Variants in APBB2 observed in about 807,000 individuals in gnomAD.
APBB2 encodes amyloid beta precursor protein binding family B member 2.
Under a neutral mutation model 82.5 loss-of-function variants are expected in APBB2, and 38 were observed. The ratio of observed to expected loss-of-function variants is 0.46; its 90% CI spans 0.36 to 0.60. The LOEUF (loss-of-function observed/expected upper bound fraction) is 0.60, where lower values mean the gene tolerates loss of function less well. APBB2 is among the 20% of genes least tolerant of loss of function. The pLI is 0.00. For synonymous variants in APBB2, 341 were observed against 368.2 expected, an observed-to-expected ratio of 0.93 and a Z score of 0.85; for missense variants, 772 against 972.3, an observed-to-expected ratio of 0.79 and a Z score of 2.74.
intron 4 of APBB2, among the ~76,000 whole-genome samples, chr4:41,057,948 C>A (rs1421774281): frequency 6.6e-6 from 1 of 152,172 alleles, no homozygotes; most frequent in Admixed American, 6.5e-5. Flanking sequence ...CAAAGCCTGT[C>A]CTCTCACACA....
intron 15 of APBB2, among the ~76,000 whole-genome samples, chr4:40,824,435 G>A (rs148926400): frequency 3.9e-5 from 6 of 152,276 alleles, no homozygotes; most frequent in African/African-American, 7.2e-5. Context: ...ATTCACTCAC[G>A]TAAAGTGTGC....
intron 10 of APBB2, 110 bp downstream of exon 10, chr4:40,934,346 A>G: frequency 9.6e-7 from 1 of 1,043,008 alleles, no homozygotes; most frequent in Non-Finnish European, 1.5e-6. Context: ...AGGGATAATT[A>G]CTTATTAAAT....
chr4:40,858,403 C>A (rs1395724410), intron 12 of APBB2, among the ~76,000 whole-genome samples: 1 of 136,244 alleles, frequency 7.3e-6, no homozygotes, highest in Non-Finnish European at 1.5e-5. Flanking sequence ...TGCAGTGAGC[C>A]AAGATCGCGC....
intron 10 of APBB2, among the ~76,000 whole-genome samples, chr4:40,927,507 G>T (rs1560299420): frequency 6.6e-6 from 1 of 152,012 alleles, no homozygotes; most frequent in Non-Finnish European, 1.5e-5. Context: ...TTAGAGACAG[G>T]GTCTCACTCT....
chr4:40,912,382 G>A (rs927399620), intron 10 of APBB2, among the ~76,000 whole-genome samples: 14 of 152,184 alleles, frequency 9.2e-5, no homozygotes, highest in African/African-American at 3.4e-4. Context: ...TTCGAGACCA[G>A]CCTGGCCAAC....
In APBB2 at chr4:40,838,462, A is replaced by G. The variant is rs1201254812; in HGVS notation, c.1530-7885T>C. On this transcript the variant is annotated intron_variant, in intron 12 of 17. Transcript: ENST00000508593. ...GCAATTCTCCTGCCTCAGCCTCCTG[A>G]GTAGTTGGGACTACAGGCACGTGCC... is the stretch of plus-strand genomic sequence containing the variant. Among the ~76,000 whole-genome samples the G allele has an allele frequency of 3.3e-5, 5 of 150,594 alleles. No individual in the cohort carries two copies. In the East Asian group the frequency reaches 9.8e-4, roughly 29 times the overall value.
chr4:40,963,911 T>A (rs1254079535), intron 6 of APBB2, among the ~76,000 whole-genome samples: 1 of 152,118 alleles, frequency 6.6e-6, no homozygotes. Context: ...AATATTACAG[T>A]GGGAAGTACC....
chr4:40,942,753 A>G (rs1201360962), intron 7 of APBB2, among the ~76,000 whole-genome samples: 1 of 152,116 alleles, frequency 6.6e-6, no homozygotes, highest in Non-Finnish European at 1.5e-5. Context: ...GCAGGCACAG[A>G]GAGGGGAAAG....
chr4:41,179,313 T>C (rs781775017), intron 1 of APBB2, among the ~76,000 whole-genome samples: 1 of 152,172 alleles, frequency 6.6e-6, no homozygotes, highest in Non-Finnish European at 1.5e-5. Context: ...AGTACCTCAA[T>C]TGGGAAGTAA....
At chr4:41,051,295 C>A (rs1416320812) in intron 4 of APBB2, among the ~76,000 whole-genome samples, 1 of 152,186 alleles carries the variant, frequency 6.6e-6, no homozygotes, top group African/African-American at 2.4e-5. Context: ...CAAGGCCATG[C>A]TAAAACAACA....
intron 6 of APBB2, among the ~76,000 whole-genome samples, chr4:40,999,447 A>G (rs924784986): frequency 6.6e-6 from 1 of 152,166 alleles, no homozygotes; most frequent in Non-Finnish European, 1.5e-5. Flanking sequence ...ACCTGTCTCA[A>G]AAGTAAATCA....
At chr4:40,975,789 CA>C (rs1553890006) in intron 6 of APBB2, among the ~76,000 whole-genome samples, 2 of 147,710 alleles carry the variant, frequency 1.4e-5, no homozygotes, top group Non-Finnish European at 3.0e-5. Flanking sequence ...CACACACACA[CA>C]ACAACCACTC....
At chr4:41,187,370 C>T (rs1773183443) in intron 1 of APBB2, among the ~76,000 whole-genome samples, 1 of 152,006 alleles carries the variant, frequency 6.6e-6, no homozygotes, top group African/African-American at 2.4e-5. Flanking sequence ...TTGAGAAAAA[C>T]AAACAACATT....
chr4:41,016,536 C>T (rs113813451), intron 5 of APBB2, among the ~76,000 whole-genome samples: 4,870 of 151,958 alleles, frequency 0.032, 258 homozygotes, highest in African/African-American at 0.11. Context: ...TGGCGCATGC[C>T]GGTACTCAGG....
chr4:41,128,355 T>C (rs1444119605), intron 2 of APBB2, among the ~76,000 whole-genome samples: 1 of 152,212 alleles, frequency 6.6e-6, no homozygotes, highest in East Asian at 1.9e-4. Flanking sequence ...GAAAGCAGTT[T>C]GGAGACTTCT....
At chr4:40,953,004 T>C (rs1790622607) in intron 6 of APBB2, among the ~76,000 whole-genome samples, 2 of 152,070 alleles carry the variant, frequency 1.3e-5, no homozygotes, top group African/African-American at 2.4e-5. Flanking sequence ...CATATAAAAA[T>C]GGATTTTAGG....
At chr4:41,135,749 C>T (rs1280048150) in intron 2 of APBB2, among the ~76,000 whole-genome samples, 2 of 152,106 alleles carry the variant, frequency 1.3e-5, no homozygotes, top group East Asian at 3.8e-4. Flanking sequence ...TATATTATTC[C>T]AAACTCTGTT....
At chr4:40,858,210 A>G (rs6858167) in intron 12 of APBB2, among the ~76,000 whole-genome samples, 3,035 of 152,294 alleles carry the variant, frequency 0.02, 71 homozygotes, top group African/African-American at 0.067. Context: ...GCCACTAGTC[A>G]TATAAATATA....
At chr4:40,921,019 G>A (rs1781120799) in intron 10 of APBB2, among the ~76,000 whole-genome samples, 1 of 152,184 alleles carries the variant, frequency 6.6e-6, no homozygotes. Flanking sequence ...CAGTGATCAA[G>A]CCACCGAACC....
Sources: allele counts gnomAD v4.1 joint callset (sites outside exome capture counted in the v4.1 genomes callset), GRCh38; gene constraint gnomAD v4.1.1; transcripts MANE v1.5; gene names NCBI Gene and HGNC (gene_info 2026-07-23, HGNC 2026-07-21).